INTS1: variants seen among roughly 807,000 people sequenced by gnomAD.
The protein encoded by INTS1 is integrator complex subunit 1.
INTS1 carries 137 observed loss-of-function variants against 241.6 expected under a neutral mutation model. The observed-to-expected ratio is 0.57, with a 90% confidence interval of 0.49 to 0.65. INTS1 has a LOEUF of 0.65. Ranked by LOEUF, INTS1 falls within the 30% of genes least tolerant of loss-of-function variation. The pLI is 0.00. For synonymous variants in INTS1, 1,692 were observed against 1,337.8 expected, an observed-to-expected ratio of 1.26 and a Z score of -5.78; for missense variants, 3,073 against 3,032.2, an observed-to-expected ratio of 1.01 and a Z score of -0.32.
chr7:1,473,077 C>A lies in INTS1; in HGVS notation c.6065G>T (p.Gly2022Val). 1.2e-6 allele frequency: 2 copies of A among 1,601,650 alleles called. No individual in the cohort carries two copies. Among genetic ancestry groups the A allele is most frequent in the Non-Finnish European group, 1.7e-6 (2 of 1,172,334 alleles). ...DRTDRGLDEE[G>V]EEESSAGSLP... ...CCCCTGGCAGCCCCACTCACCCTCG[C>A]CCTCTTCGTCCAGGCCTCGGTCGGT... is the stretch of plus-strand genomic sequence containing the variant. Residue 2022 changes from glycine to valine, a missense_variant, in exon 43 of 48, where the codon GGC becomes GTC. Coordinates refer to ENST00000404767, the MANE Select transcript of INTS1 (RefSeq NM_001080453.3).
At chr7:1,485,492 G>A in intron 22 of INTS1, 23 bp from the exon 23 acceptor site, 2 of 1,608,560 alleles carry the variant, frequency 1.2e-6, no homozygotes, top group Non-Finnish European at 1.7e-6. Context: ...CTCATGAGCT[G>A]GGCCGGCTTT....
intron 34 of INTS1, 33 bp downstream of exon 34, chr7:1,477,720 C>A (rs1471724854): frequency 6.2e-7 from 1 of 1,607,062 alleles, no homozygotes; most frequent in Admixed American, 1.7e-5. Flanking sequence ...CACCCGCCTG[C>A]CCACCCTGGC....
chr7:1,499,216 C>T (rs1414681398), intron 7 of INTS1, 39 bp downstream of exon 7: 4 of 1,605,172 alleles, frequency 2.5e-6, no homozygotes, highest in Admixed American at 1.7e-5. Context: ...GCGCCCGCCC[C>T]CGCCGCCCCC....
intron 43 of INTS1, 51 bp downstream of exon 43, chr7:1,473,021 T>C (rs968781583): frequency 2.4e-5 from 31 of 1,284,442 alleles, no homozygotes; most frequent in Non-Finnish European, 3.2e-5. Flanking sequence ...AACCAGGCCC[T>C]GTAGGACTGT....
rs529706393 is a variant in INTS1, at chr7:1,478,471, C to T, written c.4525G>A (p.Ala1509Thr). 1 of 1,612,012 alleles carries T rather than the reference C, an allele frequency of 6.2e-7. No homozygotes were observed. Among genetic ancestry groups the T allele is most frequent in the East Asian group, 2.2e-5 (1 of 44,872 alleles). The change falls in exon 33 of 48, where the codon GCC becomes ACC. Residue 1509 changes from alanine to threonine, a missense_variant. Physicochemically the swap from Ala to Thr is moderately conservative, Grantham distance 58 (BLOSUM62 0). Coordinates refer to ENST00000404767, the MANE Select transcript of INTS1 (RefSeq NM_001080453.3). ...GGLLRLAEAL[A>T]FRQDLEVVSS... ...ACCACCTCCAGGTCCTGACGGAAGG[C>T]CAGGGCCTCGGCCAGGCGCAGGAGC...
rs1782723566 is a variant in INTS1 at position 1,493,974 on chromosome 7, GAGGAC to G, written c.1911-68_1911-64del. The G allele has an allele frequency of 2.7e-6, 4 of 1,503,366 alleles. No individual in the cohort carries two copies. Among genetic ancestry groups the G allele is most frequent in the Non-Finnish European group, 1.8e-6 (2 of 1,117,736 alleles). 93.1% of individuals were successfully genotyped at this position (1,503,366 alleles called of 1,614,324 possible). ...CCACACCTGCCAGACCTGAGGGGCC[GAGGAC>G]AGGCCAGCTTCTCCCTCAGAGCCCA... On this transcript the variant is annotated intron_variant, in intron 14 of 47. Coordinates refer to ENST00000404767, the MANE Select transcript of INTS1 (RefSeq NM_001080453.3). This position sits in a 1 kb window ranked among gnomAD's most constrained non-coding sequence, Gnocchi z 5.3.
intron 26 of INTS1, 142 bp from the exon 27 acceptor site, chr7:1,482,849 G>A (rs1782061417): frequency 1.1e-6 from 1 of 942,802 alleles, no homozygotes; most frequent in Non-Finnish European, 1.6e-6. Context: ...TGTGCTAGGT[G>A]AGCACTTGCT....
chr7:1,473,841 G>T (rs1368710457), intron 41 of INTS1, 148 bp from the exon 42 acceptor site: 2 of 1,042,404 alleles, frequency 1.9e-6, no homozygotes, highest in Non-Finnish European at 2.8e-6. Context: ...ACAGGCCCAA[G>T]GGTGGCCGGC....
intron 27 of INTS1, 49 bp downstream of exon 27, chr7:1,482,497 C>CG: frequency 6.5e-7 from 1 of 1,549,488 alleles, no homozygotes; most frequent in Non-Finnish European, 8.7e-7. Context: ...GCAAGGGGCC[C>CG]GGGACCCCTG....
chr7:1,484,962 G>A (rs911355977), intron 24 of INTS1, 136 bp downstream of exon 24: 1 of 571,574 alleles, frequency 1.7e-6, no homozygotes, highest in African/African-American at 2.0e-5. Context: ...CCTCCCCAGG[G>A]CCACACTGCC....
rs560182626 is a variant in INTS1, at chr7:1,494,830, G to T, written c.1896C>A (p.Pro632=). 5 of 1,566,086 alleles carry T rather than the reference G, an allele frequency of 3.2e-6. No homozygotes were observed. In the African/African-American group the frequency reaches 5.4e-5, roughly 17 times the overall value. ...ETYYKWDNWP[P]ESDRNFFLRL... is the part of the protein sequence containing the mutation. ...AGCGCACTCACTTGCGGTCACTCTC[G>T]GGTGGCCAGTTGTCCCACTTGTAGT... The change falls in exon 14 of 48, where the codon CCC becomes CCA. Residue 632 remains proline, a synonymous_variant. Coordinates refer to ENST00000404767, the MANE Select transcript of INTS1 (RefSeq NM_001080453.3).
chr7:1,499,635 GT>G lies in INTS1; in HGVS notation c.685-4del. ...CCCAGGGAGTCCTCGATGTACACCT[GT>G]GTGGCAGCCACACCCTCAGCCCCGA... On this transcript the variant is annotated splice_polypyrimidine_tract_variant and splice_region_variant and intron_variant, in intron 5 of 47. Transcript: ENST00000404767. The G allele has an allele frequency of 6.3e-7, 1 of 1,593,624 alleles. No individual in the cohort carries two copies.
intron 13 of INTS1, among the ~76,000 whole-genome samples, 190 bp downstream of exon 13, chr7:1,495,243 T>A (rs991268542): frequency 4.6e-5 from 7 of 152,160 alleles, no homozygotes; most frequent in Non-Finnish European, 8.8e-5. Flanking sequence ...GCTGCTGCTG[T>A]CCGCAGAGAG....
intron 44 of INTS1, 94 bp downstream of exon 44, chr7:1,472,179 C>G (rs1781501030): frequency 2.0e-6 from 2 of 981,766 alleles, no homozygotes; most frequent in Admixed American, 4.0e-5. Flanking sequence ...AGGCTCACGC[C>G]AAAGTCAGTG....
At chr7:1,495,602 G>A (rs1265025726) in intron 12 of INTS1, 49 bp from the exon 13 acceptor site, 20 of 1,578,516 alleles carry the variant, frequency 1.3e-5, no homozygotes, top group Non-Finnish European at 1.5e-5. Flanking sequence ...TGGGCCATGA[G>A]GGGCTAAGGC....
chr7:1,475,163 A>G (rs1781651290), intron 39 of INTS1, among the ~76,000 whole-genome samples: 1 of 152,208 alleles, frequency 6.6e-6, no homozygotes, highest in South Asian at 2.1e-4. Flanking sequence ...GCAGAAGATC[A>G]CCAGAGCCCA....
chr7:1,487,937 C>T lies in INTS1; in HGVS notation c.2339G>A (p.Cys780Tyr), dbSNP rs1007880786. The change falls in exon 19 of 48, where the codon TGC becomes TAC. Residue 780 changes from cysteine (C) to tyrosine (Y), a missense_variant. By Grantham distance (194) the Cys-to-Tyr change is radical. Coordinates refer to ENST00000404767, the MANE Select transcript of INTS1 (RefSeq NM_001080453.3). Reference sequence around the variant, plus strand: ...CCGGGTCTCCTCATCCGTCAGGGTGCACGGTGGGTAGGAGTAGTTGCTAGG... The same window carrying T: ...CCGGGTCTCCTCATCCGTCAGGGTGTACGGTGGGTAGGAGTAGTTGCTAGG... ...VMTNNYSYPP[C>Y]TLTDEETRTE... is the part of the protein sequence containing the mutation. 4 of 1,613,236 alleles carry T rather than the reference C, an allele frequency of 2.5e-6. No homozygotes were observed. In the African/African-American group the frequency reaches 5.3e-5, roughly 22 times the overall value.
chr7:1,503,076 C>T lies in INTS1; in HGVS notation c.174G>A (p.Lys58=). 6.2e-7 allele frequency: 1 copy of T among 1,612,692 alleles called. No homozygotes were observed. The highest frequency in any genetic ancestry group is 2.2e-5 in the East Asian group (1 of 44,848). ...PAPSGLPSER[K]RDAAAALSSA... ...TGGACAACGCGGCCGCCGCATCCCG[C>T]TTGCGCTCAGAAGGCAGGCCGGAAG... is the stretch of plus-strand genomic sequence containing the variant. Residue 58 remains lysine (K), a synonymous_variant, in exon 3 of 48, where the codon AAG becomes AAA. Transcript: ENST00000404767.
chr7:1,470,614 T>C lies in INTS1; in HGVS notation c.6536A>G (p.Glu2179Gly). ...CTCCATATGCAGGATCCTCAGGGCC[T>C]CGGAGATCTGCGCGCTGGGGTCCAT... ...GQMDPSAQIS[E>G]ALRILHMEAV... is the part of the protein sequence containing the mutation. Residue 2179 changes from glutamate (E) to glycine (G), a missense_variant, in exon 48 of 48, where the codon GAG (glutamate) becomes GGG (glycine). Glu to Gly is a moderately conservative substitution (Grantham distance 98). Coordinates refer to ENST00000404767, the MANE Select transcript of INTS1 (RefSeq NM_001080453.3). The C allele has an allele frequency of 6.3e-7, 1 of 1,585,340 alleles. No homozygotes were observed. The highest frequency in any genetic ancestry group is 8.6e-7 in the Non-Finnish European group (1 of 1,166,750).
Sources: gnomAD v4.1 joint callset for allele counts (sites outside exome capture counted in the v4.1 genomes callset) on GRCh38, gnomAD v4.1.1 for gene constraint, Gnocchi (gnomAD v3.1) non-coding constraint, MANE v1.5 for transcripts, NCBI Gene and HGNC (gene_info 2026-07-23, HGNC 2026-07-21) for gene names.